PDE4D: variants seen among roughly 807,000 people sequenced by gnomAD.
The protein encoded by PDE4D is 3',5'-cyclic-AMP phosphodiesterase 4D.
PDE4D carries 24 observed loss-of-function variants against 87.4 expected under a neutral mutation model. The observed-to-expected ratio is 0.27, with a 90% CI of 0.20 to 0.39. The LOEUF (loss-of-function observed/expected upper bound fraction) is 0.39, where lower values mean the gene tolerates loss of function less well. PDE4D is among the 10% of genes least tolerant of loss of function. The pLI, the probability that PDE4D is intolerant of heterozygous loss-of-function variation, is 1.00. For missense variants in PDE4D, 714 were observed against 1,041.0 expected (o/e 0.69, Z 4.32); for synonymous variants, 384 against 383.2 (o/e 1.00, Z -0.02).
At chr5:59,436,911 G>A (rs539796753) in intron 1 of PDE4D, among the ~76,000 whole-genome samples, 1 of 152,306 alleles carries the variant, frequency 6.6e-6, no homozygotes, top group South Asian at 2.1e-4. Context: ...CCTTAGAAGA[G>A]GAAGTTAGTG....
At chr5:59,709,496 G>C (rs1460353489) in intron 1 of PDE4D, among the ~76,000 whole-genome samples, 2 of 152,216 alleles carry the variant, frequency 1.3e-5, no homozygotes, top group African/African-American at 4.8e-5. Context: ...GAAGCTTCCA[G>C]ATAGCCAGAA....
In PDE4D at chr5:59,919,199, G is replaced by A. The variant is rs142762294; in HGVS notation, c.272+69289C>T. On this transcript the variant is annotated intron_variant, in intron 3 of 16. Coordinates refer to the PDE4D transcript ENST00000502484. ...AATACTCCCCAAGCAGGTTGGTAAC[G>A]TCAAGTCTCCTTAGTTTATATCCAT... is the stretch of plus-strand genomic sequence containing the variant. 3.6e-3 allele frequency among the ~76,000 whole-genome samples: 542 copies of A among 152,254 alleles called. 15 individuals carry two copies. The highest frequency in any genetic ancestry group is 0.028 in the Admixed American group (424 of 15,290).
At chr5:60,326,004 C>A (rs952767539) in intron 1 of PDE4D, among the ~76,000 whole-genome samples, 1 of 152,190 alleles carries the variant, frequency 6.6e-6, no homozygotes, top group Non-Finnish European at 1.5e-5. Context: ...TAGTTTGTTT[C>A]TTTTATTGCT....
At chr5:59,478,175 G>T (rs1384876849) in intron 1 of PDE4D, among the ~76,000 whole-genome samples, 1 of 151,942 alleles carries the variant, frequency 6.6e-6, no homozygotes, top group Non-Finnish European at 1.5e-5. Flanking sequence ...CTGCACATGT[G>T]CCCCCTGTAT....
At chr5:59,523,837 C>A (rs1812633303) in intron 1 of PDE4D, among the ~76,000 whole-genome samples, 1 of 152,012 alleles carries the variant, frequency 6.6e-6, no homozygotes, top group Non-Finnish European at 1.5e-5. Flanking sequence ...TAGTGAGTGA[C>A]TTCTCTGGAG....
intron 1 of PDE4D, among the ~76,000 whole-genome samples, chr5:59,329,227 T>C (rs778646264): frequency 2.0e-5 from 3 of 151,974 alleles, no homozygotes; most frequent in South Asian, 2.1e-4. Flanking sequence ...GAAAAGGAAG[T>C]CTCGGGCTGT....
intron 2 of PDE4D, among the ~76,000 whole-genome samples, chr5:60,120,770 T>C (rs1402716150): frequency 6.6e-6 from 1 of 152,144 alleles, no homozygotes; most frequent in African/African-American, 2.4e-5. Flanking sequence ...GCAGCAACGG[T>C]TGGGTTGCCT....
intron 1 of PDE4D, among the ~76,000 whole-genome samples, chr5:59,665,349 C>T (rs1237991381): frequency 2.6e-5 from 4 of 152,224 alleles, no homozygotes; most frequent in Non-Finnish European, 5.9e-5. Flanking sequence ...ACATTCCAAA[C>T]AACTGTGAGT....
In PDE4D at chr5:60,362,692, C is replaced by T. The variant is rs570599154; in HGVS notation, c.-90+125250G>A. Among the ~76,000 whole-genome samples the T allele has an allele frequency of 9.2e-5, 14 of 152,198 alleles. No homozygotes were observed. The South Asian group carries it at 2.9e-3, about 32-fold the overall frequency. On this transcript the variant is annotated intron_variant, in intron 1 of 16. Coordinates refer to the PDE4D transcript ENST00000502484. ...GGGCCAACATGGCAAAACTCCATCT[C>T]TACTAAAAATACAAAAATTAGCCAG...
At chr5:59,000,979 G>A (rs527524001) in intron 6 of PDE4D, among the ~76,000 whole-genome samples, 3 of 152,218 alleles carry the variant, frequency 2.0e-5, no homozygotes, top group South Asian at 4.1e-4. Context: ...GTGAGCCAAC[G>A]TGCCCAGCCA....
At chr5:60,443,187 A>G (rs1745377754) in intron 1 of PDE4D, among the ~76,000 whole-genome samples, 3 of 152,274 alleles carry the variant, frequency 2.0e-5, no homozygotes, top group African/African-American at 4.8e-5. Context: ...TGACTTTTTA[A>G]TAATTTGGAG....
chr5:59,558,135 T>C (rs536309878), intron 1 of PDE4D, among the ~76,000 whole-genome samples: 5 of 152,300 alleles, frequency 3.3e-5, no homozygotes, highest in African/African-American at 9.6e-5. Context: ...GCATCTACTA[T>C]ATATTAAGTG....
At chr5:59,496,205 C>T (rs1807159027) in intron 1 of PDE4D, among the ~76,000 whole-genome samples, 1 of 152,114 alleles carries the variant, frequency 6.6e-6, no homozygotes, top group African/African-American at 2.4e-5. Flanking sequence ...CTCTGCTGGA[C>T]GGCCTGCCAG....
At chr5:59,419,480 T>C (rs1218246118) in intron 1 of PDE4D, among the ~76,000 whole-genome samples, 5 of 152,230 alleles carry the variant, frequency 3.3e-5, no homozygotes, top group Non-Finnish European at 7.3e-5. Context: ...TTAGCACTTA[T>C]CATCTGTCTT....
rs760008600 is a variant in PDE4D at position 59,117,431 on chromosome 5, G to A, written c.808+63164C>T. Among the ~76,000 whole-genome samples the A allele has an allele frequency of 1.2e-3, 181 of 152,130 alleles. 1 individual carries two copies. The highest frequency in any genetic ancestry group is 3.1e-4 in the Non-Finnish European group (21 of 67,990). ...AATTTTACCTGGACCCTCCACTACA[G>A]ACGGCCACACTTGTCACACACATAC... On this transcript the variant is annotated intron_variant, in intron 5 of 14. Coordinates refer to ENST00000340635, the MANE Select transcript of PDE4D (RefSeq NM_001104631.2).
intron 1 of PDE4D, among the ~76,000 whole-genome samples, chr5:59,873,716 C>T (rs543882438): frequency 6.6e-6 from 1 of 152,266 alleles, no homozygotes; most frequent in Non-Finnish European, 1.5e-5. Flanking sequence ...ATACTCTATA[C>T]GATGATAGAA....
At chr5:60,167,223 C>G (rs1263382851) in intron 2 of PDE4D, among the ~76,000 whole-genome samples, 2 of 145,514 alleles carry the variant, frequency 1.4e-5, no homozygotes, top group Non-Finnish European at 3.0e-5. Context: ...CATATGCTTT[C>G]TTCCTTCCTT....
intron 2 of PDE4D, among the ~76,000 whole-genome samples, chr5:59,201,412 C>T (rs1008007072): frequency 6.6e-6 from 1 of 151,762 alleles, no homozygotes; most frequent in Admixed American, 6.6e-5. Context: ...TTCCATATAG[C>T]GTTTAAAAGA....
intron 1 of PDE4D, among the ~76,000 whole-genome samples, chr5:60,420,575 C>T (rs1278486551): frequency 6.6e-6 from 1 of 152,176 alleles, no homozygotes; most frequent in African/African-American, 2.4e-5. Flanking sequence ...GAAATAAGAT[C>T]TCCATTCCAA....
Sources: allele counts gnomAD v4.1 joint callset (sites outside exome capture counted in the v4.1 genomes callset), GRCh38; gene constraint gnomAD v4.1.1; transcripts MANE v1.5; gene names NCBI Gene and HGNC (gene_info 2026-07-23, HGNC 2026-07-21).